The following SEZ6L variants were observed in gnomAD, a reference collection of about 807,000 sequenced individuals.
SEZ6L encodes seizure 6-like protein.
In SEZ6L, 37 loss-of-function variants were observed where a neutral mutation model predicts 106.2. The ratio of observed to expected loss-of-function variants is 0.35; its 90% CI spans 0.27 to 0.46. The LOEUF is 0.46. Among genes scored for constraint, SEZ6L ranks in the 20% least tolerant of loss-of-function variants. SEZ6L has a pLI of 1.00. For synonymous variants in SEZ6L, 541 were observed against 570.4 expected (o/e 0.95, Z 0.73); for missense variants, 1,172 against 1,332.8 (o/e 0.88, Z 1.88).
intron 13 of SEZ6L, among the ~76,000 whole-genome samples, chr22:26,366,205 A>G (rs2083805966): frequency 1.3e-5 from 2 of 151,990 alleles, no homozygotes; most frequent in South Asian, 2.1e-4. Context: ...GTAGCGGTGC[A>G]TGCCTGAAGT....
intron 1 of SEZ6L, among the ~76,000 whole-genome samples, chr22:26,287,790 A>T (rs979447620): frequency 1.3e-5 from 2 of 152,212 alleles, no homozygotes; most frequent in African/African-American, 4.8e-5. Context: ...GATGCATATC[A>T]TCTGTGTTGG....
chr22:26,285,591 G>A (rs1309414555), intron 1 of SEZ6L, among the ~76,000 whole-genome samples: 1 of 152,216 alleles, frequency 6.6e-6, no homozygotes, highest in African/African-American at 2.4e-5. Flanking sequence ...CAGGTGATGG[G>A]AGGGTAGGGC....
At chr22:26,237,914 G>A (rs1569408019) in intron 1 of SEZ6L, among the ~76,000 whole-genome samples, 2 of 152,170 alleles carry the variant, frequency 1.3e-5, no homozygotes, top group Admixed American at 1.3e-4. Flanking sequence ...TTGGTTGAGA[G>A]GGCTGAGTTC....
intron 1 of SEZ6L, among the ~76,000 whole-genome samples, chr22:26,201,170 C>T (rs890264952): frequency 1.3e-5 from 2 of 152,042 alleles, no homozygotes; most frequent in Non-Finnish European, 2.9e-5. Flanking sequence ...GAGCCCGAGC[C>T]TCTGGCAGAG....
At chr22:26,349,055 C>G (rs1331977484) in intron 11 of SEZ6L, among the ~76,000 whole-genome samples, 1 of 152,124 alleles carries the variant, frequency 6.6e-6, no homozygotes, top group African/African-American at 2.4e-5. Context: ...CTATAGAAGT[C>G]TTCTTACCTG....
At chr22:26,248,898 C>A (rs1406846491) in intron 1 of SEZ6L, among the ~76,000 whole-genome samples, 1 of 152,092 alleles carries the variant, frequency 6.6e-6, no homozygotes, top group Non-Finnish European at 1.5e-5. Context: ...CCTAGGGGAA[C>A]CTGCCCATGC....
At chr22:26,187,588 C>T (rs886265926) in intron 1 of SEZ6L, among the ~76,000 whole-genome samples, 1 of 152,174 alleles carries the variant, frequency 6.6e-6, no homozygotes, top group African/African-American at 2.4e-5. Context: ...TTAAACATGG[C>T]TGGGTGCTTT....
intron 9 of SEZ6L, among the ~76,000 whole-genome samples, chr22:26,316,349 G>C (rs1461167972): frequency 6.6e-6 from 1 of 152,202 alleles, no homozygotes; most frequent in Non-Finnish European, 1.5e-5. Flanking sequence ...TGAAGATACA[G>C]TTGTGAGAAA....
intron 1 of SEZ6L, among the ~76,000 whole-genome samples, chr22:26,173,300 C>T (rs929190805): frequency 6.6e-6 from 1 of 152,176 alleles, no homozygotes; most frequent in Non-Finnish European, 1.5e-5. Context: ...TGGCATGAAG[C>T]AGATGTTGGT....
intron 9 of SEZ6L, among the ~76,000 whole-genome samples, chr22:26,339,923 C>T (rs753250892): frequency 6.6e-6 from 1 of 152,176 alleles, no homozygotes; most frequent in Non-Finnish European, 1.5e-5. Context: ...AAGACCATTG[C>T]ATCAATGTGT....
intron 1 of SEZ6L, among the ~76,000 whole-genome samples, chr22:26,288,410 A>G (rs1450900955): frequency 1.3e-5 from 2 of 152,178 alleles, no homozygotes; most frequent in Non-Finnish European, 2.9e-5. Context: ...TGGAGATTAG[A>G]AAAACACTCT....
At chr22:26,342,705 GAAA>G (rs373792881) in intron 10 of SEZ6L, among the ~76,000 whole-genome samples, 1 of 120,776 alleles carries the variant, frequency 8.3e-6, no homozygotes, top group Non-Finnish European at 1.7e-5. Context: ...AAAGAAAAAA[GAAA>G]AAAGAAAAGA....
intron 1 of SEZ6L, among the ~76,000 whole-genome samples, chr22:26,256,360 C>T (rs528104037): frequency 1.8e-4 from 28 of 152,320 alleles, no homozygotes; most frequent in Admixed American, 5.9e-4. Context: ...GAATGAAAAG[C>T]AGGATTCCTC....
chr22:26,327,045 C>G (rs1460861001), intron 9 of SEZ6L, among the ~76,000 whole-genome samples: 1 of 152,106 alleles, frequency 6.6e-6, no homozygotes, highest in Non-Finnish European at 1.5e-5. Context: ...CAGGGGAGGC[C>G]TTCGAGAATA....
chr22:26,294,118 A>T (rs1569449482), intron 2 of SEZ6L, among the ~76,000 whole-genome samples, 174 bp from the exon 3 acceptor site: 1 of 152,186 alleles, frequency 6.6e-6, no homozygotes, highest in African/African-American at 2.4e-5. Flanking sequence ...TTCTGTGTCA[A>T]TTATTGCTAT....
At position 26,292,898 on chromosome 22, in the gene SEZ6L, C is replaced by A; in HGVS notation, c.587C>A (p.Thr196Lys). Reference sequence around the variant, plus strand: ...CGAAAGGAGAGTGCGGTCCCTACAACACCCGCACCCCTGCAAATCTCCCCC... The same window carrying A: ...CGAAAGGAGAGTGCGGTCCCTACAAAACCCGCACCCCTGCAAATCTCCCCC... ...LDRKESAVPT[T>K]PAPLQISPFT... is the part of the protein sequence containing the mutation. The change falls in exon 2 of 17, where the codon ACA becomes AAA. Residue 196 changes from threonine (T) to lysine (K), a missense_variant. Thr to Lys is a moderately conservative substitution (Grantham distance 78). Around this residue, in one of 4 missense-constraint regions of SEZ6L, gnomAD observed 494 missense variants for 445.8 expected, o/e 1.11. Coordinates refer to ENST00000248933, the MANE Select transcript of SEZ6L (RefSeq NM_021115.5). The A allele has an allele frequency of 6.2e-7, 1 of 1,614,178 alleles. No individual in the cohort carries two copies. The highest frequency in any genetic ancestry group is 8.5e-7 in the Non-Finnish European group (1 of 1,180,004).
rs778182243 is a variant in SEZ6L, at chr22:26,292,928, C to T, written c.617C>T (p.Thr206Ile). 3.1e-6 allele frequency: 5 copies of T among 1,614,212 alleles called. No homozygotes were observed. In the South Asian group the frequency reaches 5.5e-5, roughly 18 times the overall value. ...GCACCCCTGCAAATCTCCCCCTTCA[C>T]TTCGCAGCCCTATGTGGCCCACACA... ...TPAPLQISPF[T>I]SQPYVAHTLP... Residue 206 changes from threonine (T) to isoleucine (I), a missense_variant, in exon 2 of 17, where the codon ACT becomes ATT. Physicochemically the swap from Thr to Ile is moderately conservative, Grantham distance 89 (BLOSUM62 -1). Coordinates refer to ENST00000248933, the MANE Select transcript of SEZ6L (RefSeq NM_021115.5).
chr22:26,216,820 A>G (rs1050336059), intron 1 of SEZ6L, among the ~76,000 whole-genome samples: 2 of 152,194 alleles, frequency 1.3e-5, no homozygotes, highest in Non-Finnish European at 2.9e-5. Context: ...AATCTGTACA[A>G]CCACCCACTA....
At position 26,320,880 on chromosome 22, in the gene SEZ6L, G is replaced by A. The variant is rs559775904; in HGVS notation, c.2015+6978G>A. Among the ~76,000 whole-genome samples, 95 of 152,306 alleles carry A rather than the reference G, an allele frequency of 6.2e-4. 3 individuals carry two copies. In the East Asian group the frequency reaches 0.017, roughly 27 times the overall value. On this transcript the variant is annotated intron_variant, in intron 9 of 16. Coordinates refer to ENST00000248933, the MANE Select transcript of SEZ6L (RefSeq NM_021115.5). ...CACCCCCAGCATCTAGTGGGGACAGGCCAGGGATGCTGCTATGCATCCTAC... is the reference window on the plus strand; with the variant it reads ...CACCCCCAGCATCTAGTGGGGACAGACCAGGGATGCTGCTATGCATCCTAC...
Sources: allele counts gnomAD v4.1 joint callset (sites outside exome capture counted in the v4.1 genomes callset), GRCh38; gene constraint gnomAD v4.1.1; regional missense constraint gnomAD v4.1.1; transcripts MANE v1.5; gene names NCBI Gene and HGNC (gene_info 2026-07-23, HGNC 2026-07-21).